The following HBS1L variants were observed in gnomAD, a reference collection of about 807,000 sequenced individuals.
HBS1L encodes HBS1 like translational GTPase, also known as HBS1-like protein.
A neutral mutation model predicts 88.9 loss-of-function variants in HBS1L; 55 were observed. That is an observed-to-expected ratio of 0.62 (90% CI 0.50 to 0.77). HBS1L has a LOEUF of 0.77. Ranked by LOEUF, HBS1L falls within the 30% of genes least tolerant of loss-of-function variation. The pLI, the probability that HBS1L is intolerant of heterozygous loss-of-function variation, is 0.00. For missense variants in HBS1L, 741 were observed against 829.3 expected, an observed-to-expected ratio of 0.89 and a Z score of 1.31; for synonymous variants, 267 against 288.5, an observed-to-expected ratio of 0.93 and a Z score of 0.76.
chr6:135,046,008 T>C (rs1776901476), intron 2 of HBS1L, among the ~76,000 whole-genome samples: 1 of 152,212 alleles, frequency 6.6e-6, no homozygotes, highest in Non-Finnish European at 1.5e-5. Context: ...CTCCAATAAG[T>C]TGACACTAAA....
chr6:134,984,086 G>C (rs1437383669), intron 12 of HBS1L, among the ~76,000 whole-genome samples: 3 of 152,172 alleles, frequency 2.0e-5, no homozygotes, highest in Non-Finnish European at 4.4e-5. Context: ...CCAGGAAGCA[G>C]CCTGAAGGGG....
At chr6:135,036,698 A>T (rs1776561322) in intron 4 of HBS1L, 1 of 1,551,218 alleles carries the variant, frequency 6.4e-7, no homozygotes, top group African/African-American at 1.4e-5. Flanking sequence ...CTATAAAGAA[A>T]AGTCTTATAG....
rs774407298 is a variant in HBS1L, at chr6:134,966,370, G to A, written c.2002C>T (p.Arg668Cys). The A allele has an allele frequency of 5.6e-6, 9 of 1,612,940 alleles. No homozygotes were observed. In the African/African-American group the frequency reaches 6.7e-5, roughly 12 times the overall value. Residue 668 changes from arginine to cysteine, a missense_variant, in exon 17 of 18, where the codon CGT (arginine) becomes TGT (cysteine). This residue lies in a region of HBS1L where 181 missense variants were observed against 212.7 expected (regional missense o/e 0.85). Transcript: ENST00000367837. ...DFKELGRFML[R>C]YGGSTIAAGV... ...GCAGCTATTGTAGAACCACCGTAACGTAGCATGAACCTCCCCAGCTCTTTA... is the reference window on the plus strand; with the variant it reads ...GCAGCTATTGTAGAACCACCGTAACATAGCATGAACCTCCCCAGCTCTTTA...
chr6:135,025,342 G>A (rs1289644927), intron 4 of HBS1L, among the ~76,000 whole-genome samples: 1 of 152,168 alleles, frequency 6.6e-6, no homozygotes. Flanking sequence ...CTCCAAAGTT[G>A]GAGGCGTACC....
At chr6:135,043,810 T>C (rs1776827498) in intron 2 of HBS1L, among the ~76,000 whole-genome samples, 1 of 152,212 alleles carries the variant, frequency 6.6e-6, no homozygotes, top group Admixed American at 6.5e-5. Flanking sequence ...CGTTCTACTA[T>C]AATGCACGTT....
intron 1 of HBS1L, among the ~76,000 whole-genome samples, chr6:135,052,267 A>T (rs1000417327): frequency 6.6e-6 from 1 of 152,240 alleles, no homozygotes; most frequent in Non-Finnish European, 1.5e-5. Flanking sequence ...CAAATAAACA[A>T]GGGGCCATTC....
At chr6:135,039,460 G>C in intron 4 of HBS1L, 113 bp downstream of exon 4, 2 of 872,880 alleles carry the variant, frequency 2.3e-6, no homozygotes, top group East Asian at 5.1e-5. Context: ...TAACATGCAA[G>C]ATTTTAATAG....
chr6:134,991,965 G>A (rs1441295629), intron 8 of HBS1L, among the ~76,000 whole-genome samples: 11 of 152,158 alleles, frequency 7.2e-5, no homozygotes, highest in Admixed American at 7.2e-4. Context: ...CTACTCAGGA[G>A]GCTGGGGTGA....
At chr6:134,997,257 T>A in intron 6 of HBS1L, 140 bp downstream of exon 6, 1 of 955,200 alleles carries the variant, frequency 1.0e-6, no homozygotes, top group Non-Finnish European at 1.6e-6. Flanking sequence ...CCCACATGAC[T>A]AGAAAGCATT....
chr6:134,979,311 A>G (rs1481157141), intron 13 of HBS1L, 43 bp from the exon 14 acceptor site: 6 of 1,382,132 alleles, frequency 4.3e-6, no homozygotes, highest in Admixed American at 3.4e-5. Context: ...AAACACCTCG[A>G]TATCAAACCA....
At chr6:135,025,146 A>T (rs750690963) in intron 4 of HBS1L, among the ~76,000 whole-genome samples, 4 of 152,238 alleles carry the variant, frequency 2.6e-5, no homozygotes, top group Admixed American at 1.3e-4. Flanking sequence ...CTTCTTCCAA[A>T]AAACACCCAT....
intron 15 of HBS1L, among the ~76,000 whole-genome samples, chr6:134,970,325 G>C (rs1774447040): frequency 6.6e-6 from 1 of 152,236 alleles, no homozygotes; most frequent in Middle Eastern, 3.4e-3. Context: ...TAGATATGGG[G>C]TTTCACCACG....
intron 8 of HBS1L, among the ~76,000 whole-genome samples, chr6:134,992,627 A>C (rs976707001): frequency 2.6e-5 from 4 of 152,218 alleles, no homozygotes; most frequent in Non-Finnish European, 4.4e-5. Flanking sequence ...TACATATTAA[A>C]AAAAGCTTAT....
chr6:135,026,487 C>CT (rs527697546), intron 4 of HBS1L, among the ~76,000 whole-genome samples: 3 of 151,964 alleles, frequency 2.0e-5, no homozygotes, highest in Admixed American at 6.6e-5. Context: ...AAGACAACAA[C>CT]TTTTTTTAAA....
At chr6:135,046,689 A>G (rs1402043526) in intron 2 of HBS1L, among the ~76,000 whole-genome samples, 2 of 152,234 alleles carry the variant, frequency 1.3e-5, no homozygotes, top group Non-Finnish European at 2.9e-5. Context: ...TGAGACCAGG[A>G]AAATTGAGCT....
chr6:135,031,390 C>A (rs1776379662), intron 4 of HBS1L, among the ~76,000 whole-genome samples: 1 of 152,026 alleles, frequency 6.6e-6, no homozygotes, highest in East Asian at 1.9e-4. Flanking sequence ...AACATAACTA[C>A]TGCAAATAAC....
intron 4 of HBS1L, among the ~76,000 whole-genome samples, chr6:135,020,541 T>C (rs1407612956): frequency 6.6e-6 from 1 of 151,998 alleles, no homozygotes; most frequent in Non-Finnish European, 1.5e-5. Context: ...TGTCAATGAA[T>C]GAAAACTTCA....
chr6:134,993,769 C>G lies in HBS1L; in HGVS notation c.1072G>C (p.Gly358Arg), dbSNP rs1775211409. Reference sequence around the variant, plus strand: ...AAAACAGCAGTTACCTGGGCTGCTCCTGTAATCATATTTGGAATGAAGTCC... The same window carrying G: ...AAAACAGCAGTTACCTGGGCTGCTCGTGTAATCATATTTGGAATGAAGTCC... ...HKDFIPNMIT[G>R]AAQADVAVLV... The change falls in exon 8 of 18, where the codon GGA becomes CGA. Residue 358 changes from glycine to arginine, a missense_variant. Coordinates refer to ENST00000367837, the MANE Select transcript of HBS1L (RefSeq NM_006620.4). 1 of 1,558,916 alleles carries G rather than the reference C, an allele frequency of 6.4e-7. No homozygotes were observed. Among genetic ancestry groups the G allele is most frequent in the Non-Finnish European group, 8.8e-7 (1 of 1,139,396 alleles).
chr6:134,973,822 C>T (rs887127503), intron 15 of HBS1L, among the ~76,000 whole-genome samples: 2 of 148,492 alleles, frequency 1.3e-5, no homozygotes, highest in Non-Finnish European at 3.0e-5. Context: ...GATGCCAAAG[C>T]GAGACTCCAT....
Sources: allele counts gnomAD v4.1 joint callset (sites outside exome capture counted in the v4.1 genomes callset), GRCh38; gene constraint gnomAD v4.1.1; regional missense constraint gnomAD v4.1.1; transcripts MANE v1.5; gene names NCBI Gene and HGNC (gene_info 2026-07-23, HGNC 2026-07-21).